The following RBFOX1 variants were observed in gnomAD, a reference collection of about 807,000 sequenced individuals.
The protein encoded by RBFOX1 is RNA binding fox-1 homolog 1, also known as RNA binding protein fox-1 homolog 1.
RBFOX1 carries 8 observed loss-of-function variants against 57.7 expected under a neutral mutation model. The observed-to-expected ratio is 0.14, with a 90% CI of 0.08 to 0.25. The LOEUF is 0.25. RBFOX1 is among the 10% of genes least tolerant of loss of function. The probability of loss-of-function intolerance (pLI) is 1.00; values close to 1 mark genes in which losing one functional copy is unlikely to be tolerated. For missense variants in RBFOX1, 611 were observed against 548.5 expected (o/e 1.11, Z -1.14); for synonymous variants, 326 against 222.4 (o/e 1.47, Z -4.15).
intron 1 of RBFOX1, among the ~76,000 whole-genome samples, chr16:5,444,543 G>T (rs1040408641): frequency 6.6e-6 from 1 of 152,174 alleles, no homozygotes; most frequent in African/African-American, 2.4e-5. Flanking sequence ...TTGCGCCACC[G>T]ATCGGCTGTA....
chr16:5,494,899 C>T (rs1034444276), intron 2 of RBFOX1, among the ~76,000 whole-genome samples: 20 of 152,152 alleles, frequency 1.3e-4, no homozygotes, highest in Admixed American at 1.2e-3. Context: ...TTTTATGTTC[C>T]AAACCTTCTA....
intron 3 of RBFOX1, among the ~76,000 whole-genome samples, chr16:6,960,741 G>C (rs1207447760): frequency 6.6e-6 from 1 of 152,006 alleles, no homozygotes; most frequent in African/African-American, 2.4e-5. Flanking sequence ...CACTGCAAGA[G>C]GGTACAGAAC....
chr16:6,987,652 C>A (rs9941014), intron 3 of RBFOX1, among the ~76,000 whole-genome samples: 118,955 of 152,050 alleles, frequency 0.78, 47,051 homozygotes, highest in African/African-American at 0.9. Flanking sequence ...ATGACTGGGG[C>A]CTCCACTGAC....
intron 1 of RBFOX1, among the ~76,000 whole-genome samples, chr16:6,156,716 G>C (rs1022625988): frequency 4.6e-5 from 7 of 152,166 alleles, no homozygotes; most frequent in African/African-American, 1.7e-4. Flanking sequence ...CCTTCCTTGT[G>C]TGGTAGCATG....
At chr16:7,110,810 G>C (rs1426189270) in intron 4 of RBFOX1, among the ~76,000 whole-genome samples, 1 of 152,102 alleles carries the variant, frequency 6.6e-6, no homozygotes, top group Non-Finnish European at 1.5e-5. Flanking sequence ...GTGACTAAAG[G>C]CTGGAATGTC....
intron 4 of RBFOX1, among the ~76,000 whole-genome samples, chr16:5,971,314 T>G (rs772366463): frequency 1.3e-5 from 2 of 152,204 alleles, no homozygotes; most frequent in Non-Finnish European, 2.9e-5. Flanking sequence ...GGAAATGACA[T>G]CATGTGTGGA....
intron 3 of RBFOX1, among the ~76,000 whole-genome samples, chr16:5,788,810 C>T (rs1337255338): frequency 6.6e-6 from 1 of 152,106 alleles, no homozygotes; most frequent in Admixed American, 6.5e-5. Context: ...TTCTACCCAC[C>T]TCCCAAGTTA....
chr16:7,194,557 A>G (rs111476057), intron 4 of RBFOX1, among the ~76,000 whole-genome samples: 11 of 152,194 alleles, frequency 7.2e-5, no homozygotes, highest in Non-Finnish European at 1.3e-4. Flanking sequence ...CTAAAACTCA[A>G]TGCCTGAAAC....
chr16:5,645,406 G>C (rs1258065681), intron 3 of RBFOX1, among the ~76,000 whole-genome samples: 1 of 152,180 alleles, frequency 6.6e-6, no homozygotes, highest in Non-Finnish European at 1.5e-5. Context: ...GGACCGAGAG[G>C]TTTAGGAGAG....
intron 4 of RBFOX1, among the ~76,000 whole-genome samples, chr16:5,931,795 T>C (rs2059064384): frequency 6.6e-6 from 1 of 152,176 alleles, no homozygotes; most frequent in Non-Finnish European, 1.5e-5. Flanking sequence ...TTGAATATGA[T>C]GCATTTTACT....
chr16:7,363,052 A>C (rs1289652670), intron 4 of RBFOX1, among the ~76,000 whole-genome samples: 3 of 152,198 alleles, frequency 2.0e-5, no homozygotes, highest in Non-Finnish European at 2.9e-5. Context: ...TAAATCACCC[A>C]GTGTGGGGCC....
Position 7,442,401 on chromosome 16 carries a change from A to T in RBFOX1, c.28-75746A>T, listed in dbSNP as rs184717705. ...AGACGTAAGGAGCAGCATTTGTCGA[A>T]CTCTGGGCCCTGCAACTCTGTGAAC... On this transcript the variant is annotated intron_variant, in intron 4 of 15. Coordinates refer to ENST00000550418, the MANE Select transcript of RBFOX1 (RefSeq NM_018723.4). Among the ~76,000 whole-genome samples the T allele has an allele frequency of 4.3e-3, 658 of 152,144 alleles. 4 individuals are homozygous for T. Among genetic ancestry groups the T allele is most frequent in the African/African-American group, 0.015 (632 of 41,500 alleles).
At chr16:5,520,824 C>T (rs1214283516) in intron 2 of RBFOX1, among the ~76,000 whole-genome samples, 2 of 152,142 alleles carry the variant, frequency 1.3e-5, no homozygotes, top group Non-Finnish European at 2.9e-5. Flanking sequence ...AGTCTAAATG[C>T]AGTTATGTGC....
At chr16:6,737,154 C>G (rs957776278) in intron 3 of RBFOX1, among the ~76,000 whole-genome samples, 14 of 152,124 alleles carry the variant, frequency 9.2e-5, no homozygotes, top group African/African-American at 3.4e-4. Flanking sequence ...AGAGGCAAAG[C>G]TGTAAAGAAT....
chr16:6,676,673 C>CTTTTTTTTTTTTTTTT (rs756578276), intron 3 of RBFOX1, among the ~76,000 whole-genome samples: 24 of 103,538 alleles, frequency 2.3e-4, no homozygotes, highest in Non-Finnish European at 3.2e-4. Context: ...TTTTTCTTTT[C>CTTTTTTTTTTTTTTTT]TTTTTTTTTT....
intron 3 of RBFOX1, among the ~76,000 whole-genome samples, chr16:6,883,184 C>T (rs1056079342): frequency 4.6e-5 from 7 of 152,150 alleles, no homozygotes; most frequent in African/African-American, 1.7e-4. Context: ...GTTTAATGTT[C>T]TGAACCTAAG....
At chr16:7,484,098 TTTTG>T (rs924986216) in intron 4 of RBFOX1, among the ~76,000 whole-genome samples, 100 of 152,180 alleles carry the variant, frequency 6.6e-4, no homozygotes, top group African/African-American at 2.4e-3. Context: ...GCAGAGTCTT[TTTTG>T]TTTGAGTCCT....
At chr16:6,086,957 A>G (rs995368407) in intron 1 of RBFOX1, among the ~76,000 whole-genome samples, 28 of 152,228 alleles carry the variant, frequency 1.8e-4, no homozygotes, top group African/African-American at 6.8e-4. Context: ...CAGAGCTGGC[A>G]ACTGAGTCAC....
chr16:6,742,014 G>T (rs1368713765), intron 3 of RBFOX1, among the ~76,000 whole-genome samples: 1 of 152,096 alleles, frequency 6.6e-6, no homozygotes, highest in Non-Finnish European at 1.5e-5. Flanking sequence ...AATTATAAGT[G>T]TGTGTGGTTC....
Sources: gnomAD v4.1 joint callset for allele counts (sites outside exome capture counted in the v4.1 genomes callset) on GRCh38, gnomAD v4.1.1 for gene constraint, MANE v1.5 for transcripts, NCBI Gene and HGNC (gene_info 2026-07-23, HGNC 2026-07-21) for gene names.